Variants in SHISA9 observed in about 807,000 individuals in gnomAD.
SHISA9 encodes protein shisa-9.
In SHISA9, 13 loss-of-function variants were observed where a neutral mutation model predicts 38.0. That is an observed-to-expected ratio of 0.34 (90% CI 0.22 to 0.54). SHISA9 has a LOEUF of 0.54. SHISA9 is among the 20% of genes least tolerant of loss of function. The pLI, the probability that SHISA9 is intolerant of heterozygous loss-of-function variation, is 0.91. For missense variants in SHISA9, 538 were observed against 575.8 expected (o/e 0.93, Z 0.67); for synonymous variants, 275 against 242.0 (o/e 1.14, Z -1.27).
intron 1 of SHISA9, among the ~76,000 whole-genome samples, chr16:12,914,487 T>C (rs959055903): frequency 3.9e-5 from 6 of 152,140 alleles, no homozygotes; most frequent in Non-Finnish European, 7.4e-5. Flanking sequence ...TAGTAGACGA[T>C]AAATATTTGT....
chr16:13,462,060 A>C, the SHISA9 span, among the ~76,000 whole-genome samples: 1 of 151,726 alleles, frequency 6.6e-6, no homozygotes, highest in Non-Finnish European at 1.5e-5. Flanking sequence ...ACTTGAGGAC[A>C]GGAGTTCAAG....
chr16:13,026,745 T>C (rs1358883525), intron 2 of SHISA9, among the ~76,000 whole-genome samples: 2 of 152,216 alleles, frequency 1.3e-5, no homozygotes, highest in African/African-American at 4.8e-5. Flanking sequence ...TGAGTAGTGA[T>C]GGGAATCTTC....
intron 2 of SHISA9, among the ~76,000 whole-genome samples, chr16:13,146,187 C>A (rs747316482): frequency 7.9e-5 from 12 of 152,098 alleles, no homozygotes; most frequent in African/African-American, 2.9e-4. Context: ...GAGTGAGACT[C>A]CGTCTCAATG....
intron 2 of SHISA9, among the ~76,000 whole-genome samples, chr16:13,006,506 C>A (rs1343817371): frequency 6.6e-6 from 1 of 152,234 alleles, no homozygotes; most frequent in Non-Finnish European, 1.5e-5. Context: ...AAGGACATTG[C>A]AAGTCACCTG....
intron 2 of SHISA9, among the ~76,000 whole-genome samples, chr16:13,122,529 T>C (rs1317190102): frequency 6.6e-6 from 1 of 152,144 alleles, no homozygotes; most frequent in South Asian, 2.1e-4. Flanking sequence ...GCAAAAGAAA[T>C]AGGTAGAGTG....
intron 2 of SHISA9, among the ~76,000 whole-genome samples, chr16:13,135,457 C>T (rs572050900): frequency 5.9e-5 from 9 of 152,290 alleles, no homozygotes; most frequent in Non-Finnish European, 1.0e-4. Context: ...TCACTGAATG[C>T]GGCATATATA....
chr16:13,020,983 T>A (rs2072846029), intron 2 of SHISA9, among the ~76,000 whole-genome samples: 1 of 152,212 alleles, frequency 6.6e-6, no homozygotes, highest in Non-Finnish European at 1.5e-5. Flanking sequence ...TGGGGCAAGA[T>A]GCTTGGGTGT....
At chr16:13,461,352 G>C in the SHISA9 span, among the ~76,000 whole-genome samples, 16 of 152,094 alleles carry the variant, frequency 1.1e-4, no homozygotes, top group Non-Finnish European at 1.6e-4. Context: ...GGCCAAGGCG[G>C]GTGGATCACC....
chr16:13,125,469 C>G (rs190123155), intron 2 of SHISA9, among the ~76,000 whole-genome samples: 2 of 152,094 alleles, frequency 1.3e-5, no homozygotes, highest in Non-Finnish European at 2.9e-5. Context: ...TCCTGGCAAA[C>G]GAGGGGTGGT....
At chr16:12,921,934 C>G (rs1207776555) in intron 2 of SHISA9, among the ~76,000 whole-genome samples, 1 of 152,124 alleles carries the variant, frequency 6.6e-6, no homozygotes, top group Non-Finnish European at 1.5e-5. Context: ...TCCTCAAAAC[C>G]TTATTAGGCT....
At chr16:13,232,567 G>A (rs2051342099) in intron 4 of SHISA9, among the ~76,000 whole-genome samples, 2 of 152,342 alleles carry the variant, frequency 1.3e-5, no homozygotes, top group South Asian at 4.1e-4. Flanking sequence ...GGAGTCCTGA[G>A]AACATGTGCC....
chr16:13,261,020 A>T, the SHISA9 span, among the ~76,000 whole-genome samples: 1 of 152,130 alleles, frequency 6.6e-6, no homozygotes, highest in East Asian at 1.9e-4. Context: ...ATCTCGTGAA[A>T]CTTATTCACT....
At chr16:12,992,362 T>TTA (rs780849787) in intron 2 of SHISA9, among the ~76,000 whole-genome samples, 25 of 113,740 alleles carry the variant, frequency 2.2e-4, no homozygotes, top group African/African-American at 7.5e-4. Flanking sequence ...CCATCTCTAC[T>TTA]AAAAAAAAAA....
chr16:13,444,772 C>CTT, the SHISA9 span, among the ~76,000 whole-genome samples: 2 of 101,294 alleles, frequency 2.0e-5, no homozygotes, highest in Non-Finnish European at 2.3e-5. Context: ...AAAAAGATTT[C>CTT]TCTTTCTTCC....
intron 2 of SHISA9, among the ~76,000 whole-genome samples, chr16:12,974,415 T>C (rs1477876555): frequency 6.6e-6 from 1 of 151,142 alleles, no homozygotes; most frequent in Non-Finnish European, 1.5e-5. Flanking sequence ...GACTATAGTT[T>C]CTAAAAATTA....
At position 13,197,859 on chromosome 16, in the gene SHISA9, A is replaced by C. The variant is rs115016430; in HGVS notation, c.692-5535A>C. On this transcript the variant is annotated intron_variant, in intron 2 of 4. Transcript: ENST00000558583. ...TTCTGAGAGTGAGACATGTTACTGG[A>C]TTCCATCTATTGCTATGACTGTGGA... is the stretch of plus-strand genomic sequence containing the variant. 2.8e-3 allele frequency among the ~76,000 whole-genome samples: 431 copies of C among 152,240 alleles called. 4 individuals carry two copies. Among genetic ancestry groups the C allele is most frequent in the African/African-American group, 9.8e-3 (406 of 41,550 alleles).
chr16:13,454,846 C>CACGTA, the SHISA9 span, among the ~76,000 whole-genome samples: 1 of 152,314 alleles, frequency 6.6e-6, no homozygotes, highest in Admixed American at 6.5e-5. Context: ...TACTTCTATT[C>CACGTA]ATGTGGCTTC....
the SHISA9 span, among the ~76,000 whole-genome samples, chr16:13,417,749 C>T: frequency 1.3e-5 from 2 of 152,200 alleles, no homozygotes; most frequent in Non-Finnish European, 2.9e-5. Flanking sequence ...AGATCTATCC[C>T]TGCTCAAGGA....
intron 2 of SHISA9, among the ~76,000 whole-genome samples, chr16:13,186,699 C>G (rs934971394): frequency 6.6e-6 from 1 of 152,156 alleles, no homozygotes; most frequent in Non-Finnish European, 1.5e-5. Context: ...CAAAATGAAA[C>G]TCTGCATTGC....
Sources: gnomAD v4.1 joint callset for allele counts (sites outside exome capture counted in the v4.1 genomes callset) on GRCh38, gnomAD v4.1.1 for gene constraint, MANE v1.5 for transcripts, NCBI Gene and HGNC (gene_info 2026-07-23, HGNC 2026-07-21) for gene names.